Variants in MINDY4 observed in about 807,000 individuals in gnomAD.
MINDY4 encodes the protein probable ubiquitin carboxyl-terminal hydrolase MINDY-4.
A neutral mutation model predicts 87.0 loss-of-function variants in MINDY4; 68 were observed. The ratio of observed to expected loss-of-function variants is 0.78; its 90% CI spans 0.64 to 0.96. The LOEUF is 0.96. MINDY4 is among the 40% of genes least tolerant of loss of function. The probability of loss-of-function intolerance (pLI) is 0.00; values close to 1 mark genes in which losing one functional copy is unlikely to be tolerated. For missense variants in MINDY4, 919 were observed against 928.2 expected (o/e 0.99, Z 0.13); for synonymous variants, 379 against 363.2 (o/e 1.04, Z -0.50).
In MINDY4 at chr7:30,791,295, G is replaced by A. The variant is rs1787315782; in HGVS notation, c.794G>A (p.Ser265Asn). The change falls in exon 5 of 18, where the codon AGC becomes AAC. Residue 265 changes from serine to asparagine, a missense_variant. Coordinates refer to ENST00000265299, the MANE Select transcript of MINDY4 (RefSeq NM_032222.3). ...TQQDILASSNSSPSRTSLGQL... is the reference protein window; with the variant it reads ...TQQDILASSNNSPSRTSLGQL... ...CAGGACATTCTGGCTTCGAGCAACAGCTCCCCCTCCAGGACCTCCCTGGGT... is the reference window on the plus strand; with the variant it reads ...CAGGACATTCTGGCTTCGAGCAACAACTCCCCCTCCAGGACCTCCCTGGGT... The A allele has an allele frequency of 1.2e-6, 2 of 1,614,012 alleles. No individual in the cohort carries two copies. Among genetic ancestry groups the A allele is most frequent in the African/African-American group, 2.7e-5 (2 of 74,894 alleles).
chr7:30,885,714 C>T (rs1025880775), intron 17 of MINDY4, among the ~76,000 whole-genome samples: 1 of 150,838 alleles, frequency 6.6e-6, no homozygotes, highest in Non-Finnish European at 1.5e-5. Flanking sequence ...CCACCCCCCC[C>T]CCAACCCTGC....
chr7:30,782,200 C>G lies in MINDY4; in HGVS notation c.407C>G (p.Thr136Arg), dbSNP rs951370386. The change falls in exon 3 of 18, where the codon ACA (threonine) becomes AGA (arginine). Residue 136 changes from threonine to arginine, a missense_variant. Physicochemically the swap from Thr to Arg is moderately conservative, Grantham distance 71. Transcript: ENST00000265299. ...DAGWRTSLSE[T>R]SKARHDNLDG... ...GGATGGAGAACATCATTGTCAGAAA[C>G]AAGCAAAGCCAGGTATCTTTTCCCA... is the stretch of plus-strand genomic sequence containing the variant. The G allele has an allele frequency of 1.2e-6, 2 of 1,610,898 alleles. No individual in the cohort carries two copies. The highest frequency in any genetic ancestry group is 2.7e-5 in the African/African-American group (2 of 74,880).
At chr7:30,795,339 C>T (rs1002470450) in intron 5 of MINDY4, among the ~76,000 whole-genome samples, 5 of 152,200 alleles carry the variant, frequency 3.3e-5, no homozygotes, top group African/African-American at 9.7e-5. Context: ...AGAGTTTTAT[C>T]CTCCCTTAGG....
intron 12 of MINDY4, among the ~76,000 whole-genome samples, chr7:30,857,046 G>C (rs1056626029): frequency 1.3e-5 from 2 of 152,324 alleles, no homozygotes; most frequent in African/African-American, 4.8e-5. Flanking sequence ...GAATGAAGAC[G>C]AGGTTGATTT....
At chr7:30,793,071 G>C (rs2128168833) in intron 5 of MINDY4, among the ~76,000 whole-genome samples, 1 of 146,582 alleles carries the variant, frequency 6.8e-6, no homozygotes, top group South Asian at 2.1e-4. Flanking sequence ...TTTAACCCAT[G>C]GGTTATTTAG....
intron 9 of MINDY4, among the ~76,000 whole-genome samples, chr7:30,843,597 C>T (rs186248994): frequency 1.4e-3 from 193 of 137,818 alleles, no homozygotes; most frequent in Non-Finnish European, 2.2e-3. Context: ...TTTGTTACCC[C>T]ACCCCCAGGC....
rs746100538 is a variant in MINDY4, at chr7:30,791,396, C to T, written c.895C>T (p.Pro299Ser). ...SPPHLPSKRL[P>S]PWDRARPRDP... is the part of the protein sequence containing the mutation. ...TCCCCATCTGCCCAGCAAACGGCTG[C>T]CCCCATGGGACAGGGCCAGGCCGAG... The change falls in exon 5 of 18, where the codon CCC (proline) becomes TCC (serine). Residue 299 changes from proline (P) to serine (S), a missense_variant. By Grantham distance (74) the Pro-to-Ser change is moderately conservative (BLOSUM62 -1). Transcript: ENST00000265299. 3.1e-6 allele frequency: 5 copies of T among 1,613,976 alleles called. No individual in the cohort carries two copies. In the Admixed American group the frequency reaches 5.0e-5, roughly 16 times the overall value.
intron 5 of MINDY4, among the ~76,000 whole-genome samples, chr7:30,827,540 C>T (rs1248927540): frequency 6.6e-6 from 1 of 152,146 alleles, no homozygotes; most frequent in Non-Finnish European, 1.5e-5. Context: ...CACCAGTCCC[C>T]ACAGGAATGC....
chr7:30,786,065 G>T (rs1428886951), intron 4 of MINDY4, 73 bp downstream of exon 4: 7 of 1,579,468 alleles, frequency 4.4e-6, no homozygotes, highest in Non-Finnish European at 6.0e-6. Flanking sequence ...GCACGCCTGG[G>T]TTTATTTGGG....
At chr7:30,819,553 TGTTA>T (rs2128560279) in intron 5 of MINDY4, among the ~76,000 whole-genome samples, 1 of 152,318 alleles carries the variant, frequency 6.6e-6, no homozygotes, top group South Asian at 2.1e-4. Context: ...CTGCTTGATC[TGTTA>T]GTTGCTGGGA....
chr7:30,773,042 A>T (rs543448172), intron 1 of MINDY4, among the ~76,000 whole-genome samples: 1 of 150,886 alleles, frequency 6.6e-6, no homozygotes, highest in African/African-American at 2.4e-5. Context: ...CGCATGTTTT[A>T]TCTGGGCACA....
chr7:30,877,868 T>G (rs1790322158), intron 15 of MINDY4, among the ~76,000 whole-genome samples: 2 of 127,442 alleles, frequency 1.6e-5, no homozygotes, highest in Admixed American at 9.5e-5. Flanking sequence ...TAAGTAGAGA[T>G]GGGGTTTCAC....
intron 17 of MINDY4, among the ~76,000 whole-genome samples, chr7:30,891,522 G>A (rs1018133444): frequency 1.1e-4 from 16 of 152,216 alleles, no homozygotes; most frequent in African/African-American, 2.6e-4. Flanking sequence ...CCAGCTTCCC[G>A]GCCCCTCCCC....
intron 15 of MINDY4, among the ~76,000 whole-genome samples, chr7:30,881,290 G>A (rs899974781): frequency 1.5e-4 from 23 of 152,208 alleles, no homozygotes; most frequent in Admixed American, 2.6e-4. Flanking sequence ...CAAGATGCTA[G>A]CAACGTGCTG....
At chr7:30,837,974 G>GA (rs1380077443) in intron 7 of MINDY4, among the ~76,000 whole-genome samples, 4 of 152,086 alleles carry the variant, frequency 2.6e-5, no homozygotes, top group Non-Finnish European at 5.9e-5. Context: ...TAATGAAAAG[G>GA]AAAAAAAGAG....
chr7:30,825,977 C>T (rs953474491), intron 5 of MINDY4, among the ~76,000 whole-genome samples: 2 of 152,166 alleles, frequency 1.3e-5, no homozygotes, highest in Non-Finnish European at 2.9e-5. Flanking sequence ...CCCTTTTCAC[C>T]TTCTAGTACC....
intron 13 of MINDY4, among the ~76,000 whole-genome samples, chr7:30,863,884 T>C (rs1483356331): frequency 1.3e-5 from 2 of 152,264 alleles, no homozygotes; most frequent in Non-Finnish European, 2.9e-5. Context: ...CAAGCTTTGC[T>C]GCTTTTCAAA....
intron 5 of MINDY4, among the ~76,000 whole-genome samples, chr7:30,799,957 G>A (rs1049035539): frequency 2.0e-5 from 3 of 152,174 alleles, no homozygotes; most frequent in African/African-American, 7.2e-5. Flanking sequence ...TTAAGGCAAG[G>A]GAGTGAGCTT....
At chr7:30,885,528 CAAAA>C (rs934672730) in intron 17 of MINDY4, among the ~76,000 whole-genome samples, 2 of 152,112 alleles carry the variant, frequency 1.3e-5, no homozygotes, top group Non-Finnish European at 2.9e-5. Context: ...AACAAACAAA[CAAAA>C]AACCCAAAAC....
Sources: allele counts gnomAD v4.1 joint callset (sites outside exome capture counted in the v4.1 genomes callset), GRCh38; gene constraint gnomAD v4.1.1; transcripts MANE v1.5; gene names NCBI Gene and HGNC (gene_info 2026-07-23, HGNC 2026-07-21).